The following LARP1 variants were observed in gnomAD, a reference collection of about 807,000 sequenced individuals.
The protein encoded by LARP1 is La ribonucleoprotein 1, translational regulator, also known as la-related protein 1.
LARP1 carries 36 observed loss-of-function variants against 122.7 expected under a neutral mutation model. The observed-to-expected ratio is 0.29, with a 90% confidence interval of 0.22 to 0.39. LARP1 has a LOEUF of 0.39. Ranked by LOEUF, LARP1 falls within the 10% of genes least tolerant of loss-of-function variation. The pLI, the probability that LARP1 is intolerant of heterozygous loss-of-function variation, is 1.00. For synonymous variants in LARP1, 539 were observed against 528.7 expected (o/e 1.02, Z -0.27); for missense variants, 1,040 against 1,403.6 (o/e 0.74, Z 4.14).
At position 154,805,081 on chromosome 5, in the gene LARP1, A is replaced by G. The variant is rs989036281; in HGVS notation, c.2546+774A>G. ...GTATTACATACTGTATTCTTACAAT[A>G]AGCTAAATAAAAAATATTACTAAGA... On this transcript the variant is annotated intron_variant, in intron 14 of 18. Transcript: ENST00000518297. 17 of 340,402 alleles carry G rather than the reference A, an allele frequency of 5.0e-5. No homozygotes were observed. The Admixed American group carries it at 6.8e-4, about 14-fold the overall frequency. The allele number at this position is 340,402 out of a possible 1,614,324, so 21.1% of individuals were successfully genotyped here. A position where few individuals can be genotyped will look rare whatever the true frequency, so the allele number is the denominator to read the frequency against.
chr5:154,756,747 G>T (rs1439790884), intron 1 of LARP1, among the ~76,000 whole-genome samples: 1 of 152,182 alleles, frequency 6.6e-6, no homozygotes, highest in Non-Finnish European at 1.5e-5. Flanking sequence ...TTGGGCTTTA[G>T]AATCGCCATT....
At chr5:154,813,442 G>C (rs1199559186) in intron 18 of LARP1, among the ~76,000 whole-genome samples, 1 of 152,182 alleles carries the variant, frequency 6.6e-6, no homozygotes, top group Non-Finnish European at 1.5e-5. Context: ...AAGGATCTGG[G>C]CCTTCTGAGC....
At chr5:154,746,030 C>G (rs996521044) in intron 1 of LARP1, among the ~76,000 whole-genome samples, 1 of 152,200 alleles carries the variant, frequency 6.6e-6, no homozygotes, top group Admixed American at 6.5e-5. Context: ...AATCTCCTGA[C>G]CTCGTGATCT....
intron 18 of LARP1, 100 bp from the exon 19 acceptor site, chr5:154,813,787 A>G (rs1367081500): frequency 7.5e-6 from 7 of 928,432 alleles, no homozygotes; most frequent in Non-Finnish European, 1.2e-5. Context: ...TTCATTTTCT[A>G]TATTTGGAGG....
At chr5:154,807,464 A>G (rs985385699) in intron 15 of LARP1, among the ~76,000 whole-genome samples, 6 of 152,148 alleles carry the variant, frequency 3.9e-5, no homozygotes, top group African/African-American at 1.4e-4. Context: ...TTTTCGTTTT[A>G]TATTTCTAAA....
rs777309185 is a variant in LARP1, at chr5:154,804,221, A to G, written c.2460A>G (p.Thr820=). The G allele has an allele frequency of 1.2e-6, 2 of 1,614,176 alleles. No individual in the cohort carries two copies. The highest frequency in any genetic ancestry group is 1.3e-5 in the African/African-American group (1 of 75,068). The change falls in exon 14 of 19, where the codon ACA becomes ACG. Residue 820 remains threonine (T), a synonymous_variant. Coordinates refer to ENST00000518297, the MANE Select transcript of LARP1 (RefSeq NM_033551.3). ...TGCAGATGCCTCGAAAAAGAAAGAC[A>G]AGACACAGTTCAAACCCACCCTTGG... ...LDAKMPRKRK[T]RHSSNPPLES...
At chr5:154,781,344 A>C (rs563342552) in intron 1 of LARP1, among the ~76,000 whole-genome samples, 2 of 152,364 alleles carry the variant, frequency 1.3e-5, no homozygotes, top group African/African-American at 4.8e-5. Flanking sequence ...CTGTAATCCC[A>C]GCACTTTGGG....
At chr5:154,722,052 C>T (rs1206375706) in intron 1 of LARP1, among the ~76,000 whole-genome samples, 50 of 152,166 alleles carry the variant, frequency 3.3e-4, no homozygotes, top group Admixed American at 3.3e-3. Context: ...TCTAACAGCC[C>T]CCAATTTCTC....
In LARP1 at chr5:154,802,111, T is replaced by C; in HGVS notation, c.1821T>C (p.Phe607=). ...KDQDEQEELD[F]LFDEEMEQMD... is the part of the protein sequence containing the mutation. ...AGGATGAGCAAGAGGAACTGGATTT[T>C]CTGTTTGACGAGGAGATGGAGCAGA... Residue 607 remains phenylalanine (F), a synonymous_variant, in exon 11 of 19, where the codon TTT becomes TTC. Transcript: ENST00000518297. The surrounding 1 kb of genome is among the most constrained non-coding windows in gnomAD (Gnocchi z 5.1). The C allele has an allele frequency of 6.2e-7, 1 of 1,614,214 alleles. No homozygotes were observed. The highest frequency in any genetic ancestry group is 8.5e-7 in the Non-Finnish European group (1 of 1,180,046).
chr5:154,689,556 G>T (rs1415857828), intron 1 of LARP1, among the ~76,000 whole-genome samples: 1 of 151,334 alleles, frequency 6.6e-6, no homozygotes, highest in East Asian at 1.9e-4. Context: ...GGAGGCAGAG[G>T]TTGCAGTGAG....
intron 1 of LARP1, among the ~76,000 whole-genome samples, chr5:154,739,545 C>T (rs929923317): frequency 6.6e-6 from 1 of 152,092 alleles, no homozygotes; most frequent in Non-Finnish European, 1.5e-5. Context: ...ATTTGATCTA[C>T]TCATTGGTTC....
intron 1 of LARP1, among the ~76,000 whole-genome samples, chr5:154,726,316 A>T (rs986252889): frequency 2.6e-5 from 4 of 152,238 alleles, no homozygotes; most frequent in African/African-American, 9.6e-5. Context: ...CTGAAGGAAG[A>T]TAATACCATC....
chr5:154,773,521 A>C (rs1275149606), intron 1 of LARP1, among the ~76,000 whole-genome samples: 1 of 152,170 alleles, frequency 6.6e-6, no homozygotes, highest in Admixed American at 6.5e-5. Context: ...ACACATGTGT[A>C]AGTGCATGTT....
intron 1 of LARP1, among the ~76,000 whole-genome samples, chr5:154,765,173 C>G (rs1169603069): frequency 1.3e-5 from 2 of 152,130 alleles, no homozygotes; most frequent in Non-Finnish European, 2.9e-5. Flanking sequence ...TCATCACTTG[C>G]CCCTTCTTCA....
chr5:154,812,993 A>G (rs1202752362), intron 18 of LARP1, among the ~76,000 whole-genome samples: 2 of 152,182 alleles, frequency 1.3e-5, no homozygotes, highest in East Asian at 3.8e-4. Flanking sequence ...CAGCCAAATC[A>G]TCACATTTAT....
intron 1 of LARP1, chr5:154,757,127 G>A (rs1354777626): frequency 6.6e-6 from 1 of 150,608 alleles, no homozygotes; most frequent in African/African-American, 2.4e-5. Context: ...GCGCGGCGCG[G>A]GTGTGTGCGC....
intron 8 of LARP1, among the ~76,000 whole-genome samples, chr5:154,796,075 A>G (rs1400980184): frequency 4.4e-5 from 5 of 114,784 alleles, no homozygotes; most frequent in South Asian, 2.2e-4. Flanking sequence ...TATATATAGT[A>G]TATATATTAT....
chr5:154,687,464 C>T (rs1303438822), intron 1 of LARP1, among the ~76,000 whole-genome samples: 1 of 152,228 alleles, frequency 6.6e-6, no homozygotes, highest in Admixed American at 6.5e-5. Flanking sequence ...TCACTGCAAG[C>T]TCCGCCTCCT....
chr5:154,755,228 C>T (rs1253044115), upstream of LARP1, among the ~76,000 whole-genome samples: 5 of 128,338 alleles, frequency 3.9e-5, no homozygotes, highest in African/African-American at 1.5e-4. Context: ...CCGCCGCCTC[C>T]TGCCCGCCCG....
Sources: gnomAD v4.1 joint callset for allele counts (sites outside exome capture counted in the v4.1 genomes callset) on GRCh38, gnomAD v4.1.1 for gene constraint, Gnocchi (gnomAD v3.1) non-coding constraint, MANE v1.5 for transcripts, NCBI Gene and HGNC (gene_info 2026-07-23, HGNC 2026-07-21) for gene names.